Variants in DHX8 observed in about 807,000 individuals in gnomAD.
The protein encoded by DHX8 is ATP-dependent RNA helicase DHX8.
Under a neutral mutation model 140.7 loss-of-function variants are expected in DHX8, and 67 were observed. The observed-to-expected ratio is 0.48, with a 90% CI of 0.39 to 0.58. The LOEUF (loss-of-function observed/expected upper bound fraction) is 0.58. Ranked by LOEUF, DHX8 falls within the 20% of genes least tolerant of loss-of-function variation. DHX8 has a pLI of 0.00. For synonymous variants in DHX8, 533 were observed against 553.2 expected (o/e 0.96, Z 0.51); for missense variants, 887 against 1,550.7 (o/e 0.57, Z 7.19).
chr17:43,525,693 C>T (rs999620526), downstream of DHX8: 15 of 983,786 alleles, frequency 1.5e-5, no homozygotes, highest in African/African-American at 1.7e-5. Flanking sequence ...TGGCATCAAA[C>T]TCCTGAGCTC....
rs1039833218 is a variant in DHX8, at chr17:43,497,925, G to A, written c.1301-937G>A. 1.2e-4 allele frequency among the ~76,000 whole-genome samples: 19 copies of A among 152,238 alleles called. No individual in the cohort carries two copies. In the South Asian group the frequency reaches 1.4e-3, roughly 12 times the overall value. On this transcript the variant is annotated intron_variant, in intron 9 of 22. Coordinates refer to ENST00000262415, the MANE Select transcript of DHX8 (RefSeq NM_004941.3). Reference sequence around the variant, plus strand: ...CTAATTTTTTACAAATTTATTTTGGGTTAAGAATTATTCCACAATGAAGTT... The same window carrying A: ...CTAATTTTTTACAAATTTATTTTGGATTAAGAATTATTCCACAATGAAGTT...
chr17:43,495,265 G>A (rs1483844848), intron 8 of DHX8, among the ~76,000 whole-genome samples: 4 of 152,232 alleles, frequency 2.6e-5, no homozygotes, highest in Middle Eastern at 3.4e-3. Flanking sequence ...ATAATTGTGA[G>A]GGGTTACATA....
intron 8 of DHX8, among the ~76,000 whole-genome samples, chr17:43,495,647 G>T (rs1441118619): frequency 6.6e-6 from 1 of 152,030 alleles, no homozygotes; most frequent in Non-Finnish European, 1.5e-5. Context: ...TTTTCCTGGG[G>T]ATAATACTTT....
In DHX8 at chr17:43,517,318, TC is replaced by T; in HGVS notation, c.2796del (p.Lys933ArgfsTer22). 1 of 1,613,620 alleles carries T rather than the reference TC, an allele frequency of 6.2e-7. No homozygotes were observed. On this transcript the variant is annotated frameshift_variant, in exon 18 of 23. Transcript: ENST00000262415. LOFTEE classifies it high-confidence loss of function. ...AACTTAGCAAGCACAGTGCTGTCAC[TC>T]AAGGTAGAAATCACTGTCTTGTTAA... is the stretch of plus-strand genomic sequence containing the variant. ...RTNLASTVLSLKAMGINDLLS... is the reference protein window; with the variant it reads ...RTNLASTVLSXKAMGINDLLS...
intron 11 of DHX8, among the ~76,000 whole-genome samples, chr17:43,501,639 A>C (rs1208104213): frequency 6.6e-6 from 1 of 152,016 alleles, no homozygotes; most frequent in Non-Finnish European, 1.5e-5. Context: ...ATGCACCACC[A>C]CGCCTAGCTA....
At chr17:43,516,311 T>G (rs1434396530) in intron 17 of DHX8, among the ~76,000 whole-genome samples, 1 of 152,238 alleles carries the variant, frequency 6.6e-6, no homozygotes, top group Non-Finnish European at 1.5e-5. Context: ...CCTAGTCATT[T>G]CCTTCTAGTA....
downstream of DHX8, chr17:43,526,704 G>A (rs1970631909): frequency 6.1e-6 from 9 of 1,466,660 alleles, no homozygotes; most frequent in South Asian, 9.4e-5. Flanking sequence ...TGTGTACTCG[G>A]CCTTCAGGGT....
chr17:43,530,448 C>T, downstream of DHX8: 1 of 1,358,386 alleles, frequency 7.4e-7, no homozygotes, highest in African/African-American at 1.5e-5. Flanking sequence ...TTCTGAAGGG[C>T]CCAAGCTGCC....
rs552245998 is a variant in DHX8, at chr17:43,484,737, G to T, written c.148+552G>T. ...GCTCACTGCAGCCTCCACCTCCTGG[G>T]CTCAAGCAGTCCTCCCACCTCAGCC... is the stretch of plus-strand genomic sequence containing the variant. On this transcript the variant is annotated intron_variant, in intron 1 of 22. Coordinates refer to ENST00000262415, the MANE Select transcript of DHX8 (RefSeq NM_004941.3). Among the ~76,000 whole-genome samples the T allele has an allele frequency of 1.0e-3, 159 of 152,252 alleles. 1 individual carries two copies. Among genetic ancestry groups the T allele is most frequent in the African/African-American group, 3.5e-3 (147 of 41,550 alleles).
intron 18 of DHX8, chr17:43,517,742 T>G (rs1169181364): frequency 6.5e-6 from 1 of 154,750 alleles, no homozygotes; most frequent in African/African-American, 2.4e-5. Flanking sequence ...AGTACAGATT[T>G]CAGACTGGCT....
In DHX8 at chr17:43,523,904, G is replaced by A. The variant is rs566228101; in HGVS notation, c.*57G>A. ...GCAGTAGCCAGGGCTTGGACTTATC[G>A]ATGACAGGCTGGTCCTGAGGATACA... On this transcript the variant is annotated 3_prime_UTR_variant, in exon 23 of 23. Coordinates refer to ENST00000262415, the MANE Select transcript of DHX8 (RefSeq NM_004941.3). The A allele has an allele frequency of 2.5e-4, 407 of 1,603,520 alleles. 1 individual carries two copies. Among genetic ancestry groups the A allele is most frequent in the Admixed American group, 4.6e-4 (27 of 58,800 alleles).
downstream of DHX8, chr17:43,530,025 C>G (rs1480734676): frequency 1.2e-6 from 2 of 1,610,538 alleles, no homozygotes; most frequent in East Asian, 2.2e-5. Flanking sequence ...CAGAGGGACT[C>G]CTGGCCAGGG....
intron 2 of DHX8, among the ~76,000 whole-genome samples, chr17:43,534,303 A>G (rs1971117330): frequency 6.6e-6 from 1 of 151,752 alleles, no homozygotes; most frequent in African/African-American, 2.4e-5. Flanking sequence ...CAGCCTGGCC[A>G]ACATGGTGAA....
In DHX8 at chr17:43,493,917, G is replaced by A. The variant is rs145490678; in HGVS notation, c.1212+31G>A. On this transcript the variant is annotated intron_variant, in intron 8 of 22. Coordinates refer to ENST00000262415, the MANE Select transcript of DHX8 (RefSeq NM_004941.3). ...GGCCTTTAGTTTTCATGACCAGATAGTCATTCAGCATGTAGCATGGTGCTT... is the reference window on the plus strand; with the variant it reads ...GGCCTTTAGTTTTCATGACCAGATAATCATTCAGCATGTAGCATGGTGCTT... The A allele has an allele frequency of 2.7e-5, 44 of 1,611,690 alleles. No homozygotes were observed. In the African/African-American group the frequency reaches 5.5e-4, roughly 20 times the overall value.
chr17:43,484,943 C>T (rs192824137), intron 1 of DHX8, among the ~76,000 whole-genome samples: 76 of 152,290 alleles, frequency 5.0e-4, no homozygotes, highest in Non-Finnish European at 8.8e-4. Flanking sequence ...GCGTCCTGTA[C>T]TATGTCTTAA....
intron 17 of DHX8, among the ~76,000 whole-genome samples, chr17:43,514,845 G>A (rs1169267798): frequency 6.6e-6 from 1 of 152,160 alleles, no homozygotes; most frequent in Middle Eastern, 3.2e-3. Flanking sequence ...ATGGTGGTGT[G>A]TATCTATATT....
chr17:43,530,185 T>C (rs754808570), downstream of DHX8: 189 of 1,553,794 alleles, frequency 1.2e-4, no homozygotes, highest in Middle Eastern at 6.6e-4. Context: ...GTGACATCTG[T>C]GGGGGAAGAA....
intron 18 of DHX8, 187 bp from the exon 19 acceptor site, chr17:43,519,943 G>C (rs1453335360): frequency 6.9e-6 from 4 of 581,302 alleles, no homozygotes; most frequent in Admixed American, 3.1e-5. Flanking sequence ...TCTGTCTCAA[G>C]TATGTGCTTT....
Position 43,507,441 on chromosome 17 carries a change from G to C in DHX8, c.1924-62G>C, listed in dbSNP as rs536619850. On this transcript the variant is annotated intron_variant, in intron 13 of 22. Transcript: ENST00000262415. ...GTGAGAGTGACTGGGCTGAAATCTT[G>C]CCTGGTGATTGGGAAAAGGAGACAT... 69 of 1,481,666 alleles carry C rather than the reference G, an allele frequency of 4.7e-5. No homozygotes were observed. The African/African-American group carries it at 8.9e-4, about 19-fold the overall frequency. The allele number at this position is 1,481,666 out of a possible 1,614,324, so 91.8% of individuals were successfully genotyped here. A position where few individuals can be genotyped will look rare whatever the true frequency, so the allele number is the denominator to read the frequency against.
Sources: allele counts gnomAD v4.1 joint callset (sites outside exome capture counted in the v4.1 genomes callset), GRCh38; gene constraint gnomAD v4.1.1; transcripts MANE v1.5; gene names NCBI Gene and HGNC (gene_info 2026-07-23, HGNC 2026-07-21).